SNRPD3: variants seen among roughly 807,000 people sequenced by gnomAD.
SNRPD3 encodes the protein small nuclear ribonucleoprotein Sm D3.
For missense variants in SNRPD3, 73 were observed against 167.5 expected (o/e 0.44, Z 3.11); for synonymous variants, 66 against 58.4 (o/e 1.13, Z -0.59).
Position 24,572,043 on chromosome 22 carries a change from G to A in SNRPD3, c.*66G>A. On this transcript the variant is annotated 3_prime_UTR_variant, in exon 4 of 4. Coordinates refer to ENST00000215829, the MANE Select transcript of SNRPD3 (RefSeq NM_004175.5). ...GTTATCTGAGTTCATTGGAGTGGGTGCTTGTGCATATATGCTAGGTATCTT... is the reference window on the plus strand; with the variant it reads ...GTTATCTGAGTTCATTGGAGTGGGTACTTGTGCATATATGCTAGGTATCTT... 1.2e-6 allele frequency: 2 copies of A among 1,603,388 alleles called. No individual in the cohort carries two copies. The highest frequency in any genetic ancestry group is 2.3e-5 in the East Asian group (1 of 44,038).
intron 2 of SNRPD3, among the ~76,000 whole-genome samples, chr22:24,560,704 C>T (rs2147120328): frequency 7.4e-6 from 1 of 135,538 alleles, no homozygotes; most frequent in East Asian, 2.2e-4. Flanking sequence ...GCGTGAGCCA[C>T]TGCACCTGGC....
At position 24,571,994 on chromosome 22, in the gene SNRPD3, G is replaced by A. The variant is rs183038834; in HGVS notation, c.*17G>A. 79 of 1,613,804 alleles carry A rather than the reference G, an allele frequency of 4.9e-5. No homozygotes were observed. The African/African-American group carries it at 1.0e-3, about 20-fold the overall frequency. ...CGAAGATAATTTTCTAAGTTGAACA[G>A]AACTTTGTCCTTTTTTCTTTCAGGT... On this transcript the variant is annotated 3_prime_UTR_variant, in exon 4 of 4. Transcript: ENST00000215829.
chr22:24,566,123 A>G (rs966270128), intron 2 of SNRPD3, among the ~76,000 whole-genome samples: 2 of 152,194 alleles, frequency 1.3e-5, no homozygotes, highest in Non-Finnish European at 1.5e-5. Context: ...ATTTAATAAC[A>G]GGCTGGGAGT....
chr22:24,563,206 A>ATGTGTG (rs1177387267), intron 2 of SNRPD3, among the ~76,000 whole-genome samples: 1,543 of 106,158 alleles, frequency 0.015, 34 homozygotes, highest in African/African-American at 0.041. Flanking sequence ...TGTCTCATAT[A>ATGTGTG]TGTGTGTGTG....
At chr22:24,556,456 C>G (rs139909566) in intron 1 of SNRPD3, among the ~76,000 whole-genome samples, 2 of 151,746 alleles carry the variant, frequency 1.3e-5, no homozygotes, top group African/African-American at 4.8e-5. Context: ...AGGGATCCAC[C>G]GGCCTCGGCC....
At chr22:24,562,120 A>G (rs973901686) in intron 2 of SNRPD3, among the ~76,000 whole-genome samples, 2 of 152,248 alleles carry the variant, frequency 1.3e-5, no homozygotes, top group Non-Finnish European at 2.9e-5. Flanking sequence ...GGCCTCCCAA[A>G]GTATTGGAAT....
At chr22:24,569,652 C>A (rs2045230452) in intron 3 of SNRPD3, among the ~76,000 whole-genome samples, 1 of 152,180 alleles carries the variant, frequency 6.6e-6, no homozygotes. Context: ...CCCTGCACCC[C>A]CCACTATTAT....
upstream of SNRPD3, chr22:24,555,701 C>T: frequency 3.2e-6 from 5 of 1,550,690 alleles, no homozygotes; most frequent in East Asian, 4.9e-5. Flanking sequence ...TCTGAGGGCC[C>T]AAGCCCCGCG....
chr22:24,572,079 T>C lies in SNRPD3; in HGVS notation c.*102T>C. On this transcript the variant is annotated 3_prime_UTR_variant, in exon 4 of 4. Transcript: ENST00000215829. Reference sequence around the variant, plus strand: ...TATGCTAGGTATCTTTTGCCATCTTTCTCTTTAGATCAGGGGAAATGTTTA... The same window carrying C: ...TATGCTAGGTATCTTTTGCCATCTTCCTCTTTAGATCAGGGGAAATGTTTA... 6.4e-7 allele frequency: 1 copy of C among 1,562,692 alleles called. No homozygotes were observed. The highest frequency in any genetic ancestry group is 8.7e-7 in the Non-Finnish European group (1 of 1,151,450).
chr22:24,567,895 T>C, intron 2 of SNRPD3, 89 bp from the exon 3 acceptor site: 1 of 987,216 alleles, frequency 1.0e-6, no homozygotes, highest in Non-Finnish European at 1.5e-6. Context: ...TCAGTCTGCT[T>C]TTCTGGACTT....
In SNRPD3 at chr22:24,574,069, C is replaced by G. The variant is rs577278916; in HGVS notation, c.*2092C>G. ...CCTAAAGCCGTATTTTGACCCTGTA[C>G]TAGTATGTTATTTTAGTATAATCAT... On this transcript the variant is annotated 3_prime_UTR_variant, in exon 4 of 4. Transcript: ENST00000215829. Among the ~76,000 whole-genome samples, 488 of 152,326 alleles carry G rather than the reference C, an allele frequency of 3.2e-3. 1 individual carries two copies. The highest frequency in any genetic ancestry group is 5.4e-3 in the Non-Finnish European group (370 of 68,026).
chr22:24,556,149 A>T (rs1161843231), intron 1 of SNRPD3, 78 bp downstream of exon 1: 7 of 460,642 alleles, frequency 1.5e-5, no homozygotes, highest in Non-Finnish European at 2.7e-5. Flanking sequence ...GCTGCATGGA[A>T]CTCTGCGGGG....
chr22:24,561,542 G>A (rs111250593), intron 2 of SNRPD3, among the ~76,000 whole-genome samples: 3 of 152,330 alleles, frequency 2.0e-5, no homozygotes, highest in East Asian at 1.9e-4. Context: ...AGACTGTGGC[G>A]TAGCTAAAGC....
upstream of SNRPD3, chr22:24,555,987 G>A (rs1055579288): frequency 5.6e-6 from 4 of 710,018 alleles, no homozygotes; most frequent in South Asian, 5.6e-5. Context: ...AATTCTGGGT[G>A]TTAGGCCCGC....
intron 3 of SNRPD3, among the ~76,000 whole-genome samples, chr22:24,570,862 C>A (rs1289163842): frequency 8.4e-5 from 11 of 131,566 alleles, no homozygotes; most frequent in African/African-American, 3.1e-4. Context: ...ATCACCCAGG[C>A]TGCAGTGCGG....
rs1286700416 is a variant in SNRPD3, at chr22:24,568,084, T to C, written c.227T>C (p.Met76Thr). 1 of 1,613,972 alleles carries C rather than the reference T, an allele frequency of 6.2e-7. No homozygotes were observed. The highest frequency in any genetic ancestry group is 8.5e-7 in the Non-Finnish European group (1 of 1,179,998). ...SKIRFLILPD[M>T]LKNAPMLKSM... is the part of the protein sequence containing the mutation. Reference sequence around the variant, plus strand: ...ATCCGCTTTCTGATTTTGCCTGACATGCTGAAGAACGCACCCATGTTAAAG... The same window carrying C: ...ATCCGCTTTCTGATTTTGCCTGACACGCTGAAGAACGCACCCATGTTAAAG... Residue 76 changes from methionine to threonine, a missense_variant, in exon 3 of 4, where the codon ATG (methionine) becomes ACG (threonine). Coordinates refer to ENST00000215829, the MANE Select transcript of SNRPD3 (RefSeq NM_004175.5).
At chr22:24,556,432 A>G (rs1217498743) in intron 1 of SNRPD3, among the ~76,000 whole-genome samples, 2 of 150,660 alleles carry the variant, frequency 1.3e-5, no homozygotes, top group Non-Finnish European at 2.9e-5. Context: ...GCTGGTCTCG[A>G]ACTCCTGGGC....
At chr22:24,557,901 G>A in intron 2 of SNRPD3, 101 bp downstream of exon 2, 6 of 1,255,754 alleles carry the variant, frequency 4.8e-6, no homozygotes, top group Non-Finnish European at 6.6e-6. Flanking sequence ...TTCTCATTCA[G>A]CAGTGATTTC....
At chr22:24,560,741 T>TGAGACAGAA (rs2045132008) in intron 2 of SNRPD3, among the ~76,000 whole-genome samples, 2 of 35,922 alleles carry the variant, frequency 5.6e-5, no homozygotes, top group Non-Finnish European at 1.1e-4. Context: ...TTTTTTTTTT[T>TGAGACAGAA]TTTTGAGACA....
Sources: allele counts gnomAD v4.1 joint callset (sites outside exome capture counted in the v4.1 genomes callset), GRCh38; gene constraint gnomAD v4.1.1; transcripts MANE v1.5; gene names NCBI Gene and HGNC (gene_info 2026-07-23, HGNC 2026-07-21).